Variants in HYDIN observed in about 807,000 individuals in gnomAD.
The protein encoded by HYDIN is HYDIN axonemal central pair apparatus protein, also known as axonemal central pair apparatus protein HYDIN.
In HYDIN, 132 loss-of-function variants were observed where a neutral mutation model predicts 403.9. The observed-to-expected ratio is 0.33, with a 90% CI of 0.28 to 0.38. The LOEUF (loss-of-function observed/expected upper bound fraction) is 0.38. Among genes scored for constraint, HYDIN ranks in the 10% least tolerant of loss-of-function variants. The pLI, the probability that HYDIN is intolerant of heterozygous loss-of-function variation, is 1.00. For synonymous variants in HYDIN, 1,202 were observed against 1,891.7 expected, an observed-to-expected ratio of 0.64 and a Z score of 9.46; for missense variants, 2,827 against 5,009.5, an observed-to-expected ratio of 0.56 and a Z score of 13.15.
At chr16:70,984,763 A>T (rs1435689820) in intron 28 of HYDIN, among the ~76,000 whole-genome samples, 1 of 147,170 alleles carries the variant, frequency 6.8e-6, no homozygotes, top group African/African-American at 2.6e-5. Flanking sequence ...TCAACATAAT[A>T]TGAACAAGGA....
At chr16:70,848,462 C>T (rs1191829971) in intron 75 of HYDIN, among the ~76,000 whole-genome samples, 1 of 151,004 alleles carries the variant, frequency 6.6e-6, no homozygotes, top group African/African-American at 2.4e-5. Flanking sequence ...CTGTGAAAAT[C>T]AGATCCTCCC....
chr16:71,139,284 GA>G lies in HYDIN; in HGVS notation c.842-1933del, dbSNP rs1356821724. ...AAAGAAACTCAATTTTTTGGGGGGG[GA>G]AAGGTACTTGCATCCAAAGTTTCAA... On this transcript the variant is annotated intron_variant, in intron 7 of 85. Coordinates refer to ENST00000393567, the MANE Select transcript of HYDIN (RefSeq NM_001270974.2). Among the ~76,000 whole-genome samples the G allele has an allele frequency of 5.3e-5, 8 of 151,938 alleles. No homozygotes were observed. The East Asian group carries it at 5.8e-4, about 11-fold the overall frequency.
chr16:70,837,729 T>C lies in HYDIN; in HGVS notation c.13203A>G (p.Gln4401=). The C allele has an allele frequency of 6.2e-7, 1 of 1,613,968 alleles. No individual in the cohort carries two copies. The highest frequency in any genetic ancestry group is 8.5e-7 in the Non-Finnish European group (1 of 1,179,846). The part of the protein sequence containing the change: ...LIPFEINGLS[Q]QTVEIKGKGT... ...CCTTCCCTTTGATTTCGACTGTTTGTTGTGAGAGCCCATTGATTTCAAAGG... is the reference window on the plus strand; with the variant it reads ...CCTTCCCTTTGATTTCGACTGTTTGCTGTGAGAGCCCATTGATTTCAAAGG... Residue 4401 remains glutamine, a synonymous_variant, in exon 77 of 86, where the codon CAA becomes CAG. Coordinates refer to ENST00000393567, the MANE Select transcript of HYDIN (RefSeq NM_001270974.2).
chr16:71,214,374 A>T (rs2144740183), intron 1 of HYDIN, among the ~76,000 whole-genome samples: 1 of 152,316 alleles, frequency 6.6e-6, no homozygotes, highest in Admixed American at 6.5e-5. Flanking sequence ...AAAAAACAGA[A>T]TTTTAGATGA....
chr16:70,989,361 G>A (rs2079273322), intron 25 of HYDIN, among the ~76,000 whole-genome samples: 2 of 152,152 alleles, frequency 1.3e-5, no homozygotes, highest in South Asian at 2.1e-4. Flanking sequence ...TCTATGACAC[G>A]CATCTTTGAA....
intron 16 of HYDIN, among the ~76,000 whole-genome samples, chr16:71,063,895 C>T (rs1027861454): frequency 2.0e-5 from 3 of 150,360 alleles, no homozygotes; most frequent in South Asian, 4.2e-4. Context: ...AAAATTCTGG[C>T]TGTGTTCTGA....
At chr16:70,991,039 G>T (rs1251945419) in intron 25 of HYDIN, among the ~76,000 whole-genome samples, 2 of 152,162 alleles carry the variant, frequency 1.3e-5, no homozygotes, top group African/African-American at 4.8e-5. Flanking sequence ...GAATTTAAGG[G>T]TATTAATTTT....
chr16:70,888,896 T>C (rs1172776338), intron 58 of HYDIN, among the ~76,000 whole-genome samples: 1 of 152,308 alleles, frequency 6.6e-6, no homozygotes, highest in Non-Finnish European at 1.5e-5. Flanking sequence ...TCTGTCTTTC[T>C]AGGTTAACTG....
intron 83 of HYDIN, among the ~76,000 whole-genome samples, chr16:70,822,309 AAG>A (rs750981954): frequency 3.3e-5 from 5 of 152,150 alleles, no homozygotes; most frequent in Non-Finnish European, 7.3e-5. Context: ...CAGAAATAGC[AAG>A]AGAACTAGAA....
chr16:71,106,157 T>TTCCC (rs1364523334), intron 10 of HYDIN, among the ~76,000 whole-genome samples: 2 of 141,962 alleles, frequency 1.4e-5, no homozygotes, highest in East Asian at 2.0e-4. Flanking sequence ...TTCATTTTCC[T>TTCCC]TCCCTCCCTC....
At chr16:70,826,672 G>C (rs1421572297) in intron 83 of HYDIN, among the ~76,000 whole-genome samples, 3 of 147,032 alleles carry the variant, frequency 2.0e-5, no homozygotes, top group Admixed American at 2.0e-4. Flanking sequence ...TGTAGAAAAG[G>C]AGATCTCACA....
intron 21 of HYDIN, among the ~76,000 whole-genome samples, chr16:71,023,027 G>A (rs1002576594): frequency 8.5e-5 from 13 of 152,088 alleles, no homozygotes; most frequent in African/African-American, 2.9e-4. Flanking sequence ...GTCTTGCCCA[G>A]AATAGCTATT....
chr16:71,055,639 T>C (rs1437740700), intron 18 of HYDIN, among the ~76,000 whole-genome samples: 1 of 126,214 alleles, frequency 7.9e-6, no homozygotes, highest in South Asian at 2.8e-4. Flanking sequence ...AAATAAATGT[T>C]TTAAAAGAAC....
At chr16:71,190,372 C>T (rs12447448) in intron 1 of HYDIN, among the ~76,000 whole-genome samples, 54,291 of 151,164 alleles carry the variant, frequency 0.36, 10,196 homozygotes, top group East Asian at 0.57. Flanking sequence ...GGCAATAGAT[C>T]CGTTCTTTTA....
chr16:71,102,264 G>A (rs1209902564), intron 10 of HYDIN, among the ~76,000 whole-genome samples: 2 of 151,584 alleles, frequency 1.3e-5, no homozygotes, highest in Non-Finnish European at 2.9e-5. Flanking sequence ...TCTTAACGTG[G>A]GTGACAGGTT....
At chr16:71,099,990 C>G (rs2083406694) in intron 10 of HYDIN, among the ~76,000 whole-genome samples, 1 of 151,980 alleles carries the variant, frequency 6.6e-6, no homozygotes, top group East Asian at 1.9e-4. Flanking sequence ...GGCAACAGAG[C>G]AAGAAGTGGT....
In HYDIN at chr16:70,882,905, G is replaced by T. The variant is rs781760659; in HGVS notation, c.9980-10C>A. On this transcript the variant is annotated splice_polypyrimidine_tract_variant and intron_variant, in intron 59 of 85. Transcript: ENST00000393567. ...TTTTCGGTCACGAAGGCTGGGGAGT[G>T]AAGGGGAGACCATGAGATGCTGCCT... 169 of 1,585,070 alleles carry T rather than the reference G, an allele frequency of 1.1e-4. 1 individual carries two copies. The South Asian group carries it at 1.8e-3, about 17-fold the overall frequency.
intron 1 of HYDIN, among the ~76,000 whole-genome samples, chr16:71,215,491 G>T (rs2088831131): frequency 6.6e-6 from 1 of 151,958 alleles, no homozygotes; most frequent in South Asian, 2.1e-4. Context: ...AAACTTTGGG[G>T]TGAAATCTTG....
chr16:70,916,931 CT>C (rs2076858892), intron 47 of HYDIN, among the ~76,000 whole-genome samples: 1 of 147,236 alleles, frequency 6.8e-6, no homozygotes, highest in South Asian at 2.1e-4. Context: ...TCTTTCTTTT[CT>C]TTTTCTTTTG....
Sources: gnomAD v4.1 joint callset for allele counts (sites outside exome capture counted in the v4.1 genomes callset) on GRCh38, gnomAD v4.1.1 for gene constraint, MANE v1.5 for transcripts, NCBI Gene and HGNC (gene_info 2026-07-23, HGNC 2026-07-21) for gene names.